RSF1: variants seen among roughly 807,000 people sequenced by gnomAD.
The protein encoded by RSF1 is remodeling and spacing factor 1, also known as HBV pX-associated protein 8.
RSF1 carries 13 observed loss-of-function variants against 145.2 expected under a neutral mutation model. The observed-to-expected ratio is 0.09, with a 90% CI of 0.06 to 0.14. RSF1 has a LOEUF of 0.14. Ranked by LOEUF, RSF1 falls within the 10% of genes least tolerant of loss-of-function variation. RSF1 has a pLI of 1.00. For missense variants in RSF1, 1,517 were observed against 1,718.2 expected, an observed-to-expected ratio of 0.88 and a Z score of 2.07; for synonymous variants, 577 against 592.6, an observed-to-expected ratio of 0.97 and a Z score of 0.38.
the RSF1 span, among the ~76,000 whole-genome samples, chr11:77,860,002 C>T: frequency 2.0e-5 from 3 of 152,228 alleles, no homozygotes; most frequent in Admixed American, 6.5e-5. Context: ...ACTGCTATTG[C>T]TGCCATTACC....
At chr11:77,837,832 A>G in the RSF1 span, among the ~76,000 whole-genome samples, 1 of 152,180 alleles carries the variant, frequency 6.6e-6, no homozygotes, top group Non-Finnish European at 1.5e-5. Flanking sequence ...GAGAAGACAG[A>G]TTGCTTGAGC....
chr11:77,701,957 A>C lies in RSF1; in HGVS notation c.1272T>G (p.Thr424=). Reference sequence around the variant, plus strand: ...CAGTGATTGTAGAGATCCTTTTACAAGTCTCTTCCTCTTGTTTTATTTCAT... The same window carrying C: ...CAGTGATTGTAGAGATCCTTTTACACGTCTCTTCCTCTTGTTTTATTTCAT... The part of the protein sequence containing the change: ...LKDEIKQEEE[T]CKRISTITAL... The change falls in exon 6 of 16, where the codon ACT becomes ACG. Residue 424 remains threonine, a synonymous_variant. Coordinates refer to ENST00000308488, the MANE Select transcript of RSF1 (RefSeq NM_016578.4). The C allele has an allele frequency of 6.2e-7, 1 of 1,613,684 alleles. No homozygotes were observed. Among genetic ancestry groups the C allele is most frequent in the South Asian group, 1.1e-5 (1 of 90,946 alleles).
intron 10 of RSF1, among the ~76,000 whole-genome samples, chr11:77,684,310 C>A (rs1471542902): frequency 1.3e-5 from 2 of 152,122 alleles, no homozygotes; most frequent in Non-Finnish European, 2.9e-5. Flanking sequence ...ACATTTTATG[C>A]ACTTTCACTC....
chr11:77,665,974 T>C lies in RSF1; in HGVS notation c.*943A>G, dbSNP rs1287041239. 1 of 152,214 alleles carries C rather than the reference T, an allele frequency of 6.6e-6. No individual in the cohort carries two copies. The highest frequency in any genetic ancestry group is 2.4e-5 in the African/African-American group (1 of 41,460). The allele number at this position is 152,214 out of a possible 1,614,324, so 9.4% of individuals were successfully genotyped here. On this transcript the variant is annotated 3_prime_UTR_variant, in exon 16 of 16. Coordinates refer to ENST00000308488, the MANE Select transcript of RSF1 (RefSeq NM_016578.4). The stretch of plus-strand genomic sequence containing the variant: ...TTAGCATCTCTTCATGTATGTTATA[T>C]ATAGATGTATTTTTTTCAAAATGAT...
Position 77,705,879 on chromosome 11 carries a change from C to A in RSF1, c.734-3384G>T, listed in dbSNP as rs375122187. 3.5e-3 allele frequency among the ~76,000 whole-genome samples: 530 copies of A among 152,008 alleles called. 3 individuals carry two copies. Among genetic ancestry groups the A allele is most frequent in the Middle Eastern group, 0.01 (3 of 294 alleles). On this transcript the variant is annotated intron_variant, in intron 5 of 15. Transcript: ENST00000308488. ...AAAAAAAACCAAAAAAACAAAAAAACCCAACAAACCAACAAAAAAACCCAC... is the reference window on the plus strand; with the variant it reads ...AAAAAAAACCAAAAAAACAAAAAAAACCAACAAACCAACAAAAAAACCCAC...
chr11:77,853,118 C>T, the RSF1 span, among the ~76,000 whole-genome samples: 2 of 152,196 alleles, frequency 1.3e-5, no homozygotes, highest in African/African-American at 4.8e-5. Context: ...TGCCAAATTC[C>T]CCTTTTTGGG....
the RSF1 span, among the ~76,000 whole-genome samples, chr11:77,847,021 A>G: frequency 6.6e-6 from 1 of 152,198 alleles, no homozygotes; most frequent in Non-Finnish European, 1.5e-5. Context: ...TTTGAGCCCC[A>G]AACTGATGTA....
intron 3 of RSF1, among the ~76,000 whole-genome samples, chr11:77,742,285 C>A (rs1183298069): frequency 6.6e-6 from 1 of 151,976 alleles, no homozygotes; most frequent in Non-Finnish European, 1.5e-5. Flanking sequence ...GTTCCCTTTT[C>A]TTTTTTCTTT....
chr11:77,804,512 A>G lies in RSF1; in HGVS notation c.187+16016T>C, dbSNP rs1948657838. On this transcript the variant is annotated intron_variant, in intron 1 of 15. Coordinates refer to ENST00000308488, the MANE Select transcript of RSF1 (RefSeq NM_016578.4). ...CCAGCCTTTACTTATAGCTCAAATA[A>G]TATTACAGGTCTATATAAGCACATG... is the stretch of plus-strand genomic sequence containing the variant. Among the ~76,000 whole-genome samples the G allele has an allele frequency of 1.3e-5, 2 of 152,192 alleles. 1 individual carries two copies. The highest frequency in any genetic ancestry group is 1.3e-4 in the Admixed American group (2 of 15,276).
chr11:77,684,851 G>A (rs1414966753), intron 10 of RSF1, among the ~76,000 whole-genome samples: 1 of 152,156 alleles, frequency 6.6e-6, no homozygotes, highest in African/African-American at 2.4e-5. Flanking sequence ...AGCCGGTATG[G>A]TGGCGGGCAC....
chr11:77,828,291 C>G, the RSF1 span, among the ~76,000 whole-genome samples: 1 of 151,486 alleles, frequency 6.6e-6, no homozygotes, highest in Non-Finnish European at 1.5e-5. Flanking sequence ...ACAAAATACA[C>G]AAACAGCAAA....
At chr11:77,699,903 T>C (rs1228743175) in intron 6 of RSF1, among the ~76,000 whole-genome samples, 3 of 152,168 alleles carry the variant, frequency 2.0e-5, no homozygotes, top group Non-Finnish European at 2.9e-5. Flanking sequence ...TATGGAGTAC[T>C]GTGTGGCCAT....
chr11:77,800,813 G>A (rs568079700), intron 1 of RSF1, among the ~76,000 whole-genome samples: 4 of 152,332 alleles, frequency 2.6e-5, no homozygotes, highest in South Asian at 4.1e-4. Context: ...AGGGAGGTAT[G>A]ATTGCACCAC....
At chr11:77,775,265 C>T (rs1253426788) in intron 1 of RSF1, among the ~76,000 whole-genome samples, 2 of 150,464 alleles carry the variant, frequency 1.3e-5, no homozygotes, top group South Asian at 2.1e-4. Context: ...AAAAAAAACC[C>T]AAAACACAAA....
intron 5 of RSF1, among the ~76,000 whole-genome samples, chr11:77,722,019 A>C (rs150583463): frequency 2.2e-3 from 332 of 152,206 alleles, no homozygotes; most frequent in African/African-American, 7.2e-3. Flanking sequence ...CAAAATTAAA[A>C]ATTAAAAAAC....
upstream of RSF1, among the ~76,000 whole-genome samples, chr11:77,823,289 C>G (rs1949015822): frequency 6.6e-6 from 1 of 151,088 alleles, no homozygotes; most frequent in Admixed American, 6.6e-5. Flanking sequence ...TTATCACTGC[C>G]AAAGAAGTTT....
chr11:77,783,849 A>G (rs1948428929), intron 1 of RSF1, among the ~76,000 whole-genome samples: 1 of 152,194 alleles, frequency 6.6e-6, no homozygotes, highest in Non-Finnish European at 1.5e-5. Context: ...TTCAAAAAAA[A>G]AAAGTTACTT....
intron 1 of RSF1, among the ~76,000 whole-genome samples, chr11:77,786,193 A>T (rs1236975227): frequency 1.3e-5 from 2 of 152,136 alleles, no homozygotes. Context: ...AAATCCTGAC[A>T]TTTACTACGT....
At chr11:77,816,241 T>C (rs1036221114) in intron 1 of RSF1, among the ~76,000 whole-genome samples, 4 of 152,222 alleles carry the variant, frequency 2.6e-5, no homozygotes, top group African/African-American at 9.6e-5. Flanking sequence ...TGTAGACTCA[T>C]GCAACCTCTA....
Sources: gnomAD v4.1 joint callset for allele counts (sites outside exome capture counted in the v4.1 genomes callset) on GRCh38, gnomAD v4.1.1 for gene constraint, MANE v1.5 for transcripts, NCBI Gene and HGNC (gene_info 2026-07-23, HGNC 2026-07-21) for gene names.